Variants in SEZ6L observed in about 807,000 individuals in gnomAD.
SEZ6L encodes the protein seizure related 6 homolog like.
SEZ6L carries 37 observed loss-of-function variants against 106.2 expected under a neutral mutation model. That is an observed-to-expected ratio of 0.35 (90% CI 0.27 to 0.46). The LOEUF (loss-of-function observed/expected upper bound fraction) is 0.46. Ranked by LOEUF, SEZ6L falls within the 20% of genes least tolerant of loss-of-function variation. The pLI, the probability that SEZ6L is intolerant of heterozygous loss-of-function variation, is 1.00. For synonymous variants in SEZ6L, 541 were observed against 570.4 expected (o/e 0.95, Z 0.73); for missense variants, 1,172 against 1,332.8 (o/e 0.88, Z 1.88).
In SEZ6L at chr22:26,311,843, T is replaced by C. The variant is rs201588335; in HGVS notation, c.1757T>C (p.Ile586Thr). Residue 586 changes from isoleucine (I) to threonine (T), a missense_variant, in exon 8 of 17, where the codon ATT (isoleucine) becomes ACT (threonine). Physicochemically the swap from Ile to Thr is moderately conservative, Grantham distance 89 (BLOSUM62 -1). Transcript: ENST00000248933. The part of the protein sequence containing the change: ...NFTTSDPTYN[I>T]GTIVEFTCDP... ...ACTACATCCGACCCGACCTATAACA[T>C]TGGGACTATAGTGGAGTTCACCTGC... 749 of 1,614,124 alleles carry C rather than the reference T, an allele frequency of 4.6e-4. 12 individuals are homozygous for C. In the South Asian group the frequency reaches 7.0e-3, roughly 15 times the overall value.
chr22:26,317,850 C>T (rs1476012378), intron 9 of SEZ6L, among the ~76,000 whole-genome samples: 2 of 152,052 alleles, frequency 1.3e-5, no homozygotes, highest in Non-Finnish European at 1.5e-5. Context: ...GCCCTGGACC[C>T]AGCACCTAGC....
At chr22:26,290,437 CAGG>C (rs2081073495) in intron 1 of SEZ6L, among the ~76,000 whole-genome samples, 1 of 152,116 alleles carries the variant, frequency 6.6e-6, no homozygotes, top group Admixed American at 6.5e-5. Context: ...GAGGCTGAGG[CAGG>C]AGAATGGCGT....
chr22:26,270,198 T>C (rs182807774), intron 1 of SEZ6L, among the ~76,000 whole-genome samples: 1 of 152,294 alleles, frequency 6.6e-6, no homozygotes, highest in African/African-American at 2.4e-5. Flanking sequence ...CGTGGTAGAA[T>C]GTTTAGCCCA....
intron 1 of SEZ6L, among the ~76,000 whole-genome samples, chr22:26,275,249 C>A (rs948238034): frequency 3.9e-5 from 6 of 152,070 alleles, no homozygotes; most frequent in African/African-American, 7.2e-5. Flanking sequence ...GTACTTCTAA[C>A]TTTGAATTTT....
intron 12 of SEZ6L, among the ~76,000 whole-genome samples, chr22:26,356,328 G>T (rs9608486): frequency 0.041 from 6,194 of 151,986 alleles, 176 homozygotes; most frequent in Non-Finnish European, 0.06. Flanking sequence ...AAGAAAAACG[G>T]TTTTTTTTAT....
chr22:26,196,094 G>A (rs1569369113), intron 1 of SEZ6L, among the ~76,000 whole-genome samples: 1 of 152,228 alleles, frequency 6.6e-6, no homozygotes, highest in East Asian at 1.9e-4. Flanking sequence ...TGATCATGGG[G>A]GTGGTCCTTC....
At chr22:26,356,398 TTG>T (rs1379911850) in intron 12 of SEZ6L, among the ~76,000 whole-genome samples, 6 of 152,146 alleles carry the variant, frequency 3.9e-5, no homozygotes, top group Non-Finnish European at 7.4e-5. Flanking sequence ...TCCTAGCACT[TTG>T]GGAGGCTGAG....
At chr22:26,371,868 C>T (rs2084048126) in intron 13 of SEZ6L, among the ~76,000 whole-genome samples, 1 of 152,164 alleles carries the variant, frequency 6.6e-6, no homozygotes, top group Admixed American at 6.5e-5. Context: ...CATTTCCACT[C>T]CTGAGATCCG....
At chr22:26,247,384 A>G (rs2079395196) in intron 1 of SEZ6L, among the ~76,000 whole-genome samples, 1 of 152,186 alleles carries the variant, frequency 6.6e-6, no homozygotes, top group African/African-American at 2.4e-5. Flanking sequence ...TTATTTGGAA[A>G]TAAGGTCTTT....
At chr22:26,350,996 A>T in intron 11 of SEZ6L, 56 bp from the exon 12 acceptor site, 1 of 1,529,884 alleles carries the variant, frequency 6.5e-7, no homozygotes, top group Non-Finnish European at 8.9e-7. Context: ...ATTCTCAGCA[A>T]ACCCATGGTC....
intron 1 of SEZ6L, among the ~76,000 whole-genome samples, chr22:26,227,859 G>A (rs2078680249): frequency 1.3e-5 from 2 of 152,234 alleles, no homozygotes; most frequent in African/African-American, 4.8e-5. Flanking sequence ...CCAGGACTGG[G>A]CTGCTCACTT....
At chr22:26,173,087 CAT>C (rs1938735901) in intron 1 of SEZ6L, among the ~76,000 whole-genome samples, 1 of 152,158 alleles carries the variant, frequency 6.6e-6, no homozygotes, top group South Asian at 2.1e-4. Flanking sequence ...TCTGAACTCC[CAT>C]TTCACCATCT....
intron 12 of SEZ6L, among the ~76,000 whole-genome samples, chr22:26,360,412 T>A (rs1354006229): frequency 6.6e-6 from 1 of 152,240 alleles, no homozygotes; most frequent in African/African-American, 2.4e-5. Flanking sequence ...TTCAGTTACA[T>A]GAAGGCAGGG....
At chr22:26,261,076 G>T (rs1214302699) in intron 1 of SEZ6L, among the ~76,000 whole-genome samples, 1 of 144,910 alleles carries the variant, frequency 6.9e-6, no homozygotes, top group Non-Finnish European at 1.5e-5. Flanking sequence ...TTTTTGATGG[G>T]ATTATTTGTT....
At chr22:26,272,994 A>T (rs575883306) in intron 1 of SEZ6L, among the ~76,000 whole-genome samples, 1 of 152,362 alleles carries the variant, frequency 6.6e-6, no homozygotes, top group South Asian at 2.1e-4. Flanking sequence ...GAGACAATGC[A>T]TGTAAAACAC....
At chr22:26,350,109 A>C (rs781328067) in intron 11 of SEZ6L, among the ~76,000 whole-genome samples, 1 of 151,934 alleles carries the variant, frequency 6.6e-6, no homozygotes, top group Non-Finnish European at 1.5e-5. Flanking sequence ...ATCGCAAATA[A>C]TAATGCAATA....
Position 26,297,070 on chromosome 22 carries a change from T to C in SEZ6L, c.1152T>C (p.Leu384=). ...ACGACGGCCTTGGGACCTTCCAGCT[T>C]CACTACCAGGGTAGGGTCAGGCCAA... ...FQDDGLGTFQ[L]HYQAFMLSCN... is the part of the protein sequence containing the mutation. Residue 384 remains leucine (L), a synonymous_variant, in exon 4 of 17, where the codon CTT becomes CTC. Transcript: ENST00000248933. 6.2e-7 allele frequency: 1 copy of C among 1,612,752 alleles called. No individual in the cohort carries two copies. Among genetic ancestry groups the C allele is most frequent in the South Asian group, 1.1e-5 (1 of 90,708 alleles).
chr22:26,310,411 C>T (rs2081781541), intron 6 of SEZ6L, among the ~76,000 whole-genome samples: 2 of 152,132 alleles, frequency 1.3e-5, no homozygotes, highest in Non-Finnish European at 2.9e-5. Flanking sequence ...TGGGACACAC[C>T]TGTAATCTCA....
intron 16 of SEZ6L, among the ~76,000 whole-genome samples, chr22:26,378,309 C>T (rs950796145): frequency 2.0e-5 from 3 of 152,148 alleles, no homozygotes; most frequent in Admixed American, 2.0e-4. Flanking sequence ...CCTTGCAGCT[C>T]TCTGCAATAG....
Sources: gnomAD v4.1 joint callset for allele counts (sites outside exome capture counted in the v4.1 genomes callset) on GRCh38, gnomAD v4.1.1 for gene constraint, MANE v1.5 for transcripts, NCBI Gene and HGNC (gene_info 2026-07-23, HGNC 2026-07-21) for gene names.